ZFHX3: variants seen among roughly 807,000 people sequenced by gnomAD.
ZFHX3 encodes zinc finger homeobox protein 3.
A neutral mutation model predicts 279.1 loss-of-function variants in ZFHX3; 42 were observed. The observed-to-expected ratio is 0.15, with a 90% CI of 0.12 to 0.19. The LOEUF (loss-of-function observed/expected upper bound fraction) is 0.19. ZFHX3 is among the 10% of genes least tolerant of loss of function. The pLI is 1.00. For missense variants in ZFHX3, 4,981 were observed against 4,754.0 expected (o/e 1.05, Z -1.40); for synonymous variants, 2,293 against 1,957.8 (o/e 1.17, Z -4.52).
chr16:72,920,529 A>G (rs923504624), intron 3 of ZFHX3, among the ~76,000 whole-genome samples: 7 of 147,436 alleles, frequency 4.7e-5, no homozygotes, highest in South Asian at 2.2e-4. Flanking sequence ...AAAATACAAG[A>G]AAAAAAAAAA....
chr16:73,504,709 T>C (rs1378300655), intron 2 of ZFHX3: 2 of 152,202 alleles, frequency 1.3e-5, no homozygotes, highest in Admixed American at 1.3e-4. Context: ...TTCATTTGGC[T>C]GAGGAGTGTG....
intron 3 of ZFHX3, among the ~76,000 whole-genome samples, chr16:73,360,056 A>C (rs1364027844): frequency 2.0e-5 from 3 of 152,178 alleles, no homozygotes; most frequent in Non-Finnish European, 2.9e-5. Flanking sequence ...TGTGGGTTTG[A>C]ATCCTGAGTT....
intron 1 of ZFHX3, among the ~76,000 whole-genome samples, chr16:73,690,690 A>G (rs2053140428): frequency 6.6e-6 from 1 of 152,192 alleles, no homozygotes; most frequent in Non-Finnish European, 1.5e-5. Context: ...TAAATTGTGC[A>G]TTGTGAGTTT....
At chr16:72,800,410 A>T (rs2036060600) in intron 7 of ZFHX3, among the ~76,000 whole-genome samples, 1 of 152,198 alleles carries the variant, frequency 6.6e-6, no homozygotes, top group South Asian at 2.1e-4. Flanking sequence ...TTGATCACTG[A>T]CAATGTTTTG....
At chr16:72,908,802 G>T (rs2039249876) in intron 3 of ZFHX3, among the ~76,000 whole-genome samples, 1 of 152,202 alleles carries the variant, frequency 6.6e-6, no homozygotes, top group East Asian at 1.9e-4. Context: ...GAACGATGAT[G>T]AAGCAGCTAA....
At chr16:73,144,793 C>T (rs1367589234) in intron 5 of ZFHX3, among the ~76,000 whole-genome samples, 2 of 152,174 alleles carry the variant, frequency 1.3e-5, no homozygotes, top group Non-Finnish European at 2.9e-5. Flanking sequence ...ATGCACATCT[C>T]TTGGCTAATG....
intron 1 of ZFHX3, among the ~76,000 whole-genome samples, chr16:73,857,599 C>T (rs1166705805): frequency 2.0e-5 from 3 of 152,194 alleles, no homozygotes; most frequent in Admixed American, 6.5e-5. Context: ...ACGTGGGATA[C>T]GTGTTCCTCC....
At chr16:73,415,732 G>A (rs774123049) in intron 3 of ZFHX3, among the ~76,000 whole-genome samples, 5 of 152,154 alleles carry the variant, frequency 3.3e-5, no homozygotes, top group Non-Finnish European at 7.3e-5. Context: ...GGGCAGTTTG[G>A]TGACGCCAGT....
chr16:73,849,933 A>G (rs1466933672), intron 1 of ZFHX3, among the ~76,000 whole-genome samples: 1 of 152,082 alleles, frequency 6.6e-6, no homozygotes, highest in African/African-American at 2.4e-5. Flanking sequence ...GGGTTTCACC[A>G]TGTTGGTCAG....
At chr16:73,422,056 A>T (rs2017728679) in intron 3 of ZFHX3, among the ~76,000 whole-genome samples, 1 of 152,162 alleles carries the variant, frequency 6.6e-6, no homozygotes. Flanking sequence ...TCCGGGGCAA[A>T]CAGGCAGCAC....
intron 3 of ZFHX3, among the ~76,000 whole-genome samples, chr16:73,452,091 A>T (rs2018289625): frequency 6.6e-6 from 1 of 152,232 alleles, no homozygotes; most frequent in Non-Finnish European, 1.5e-5. Flanking sequence ...GGAGAGGCAG[A>T]AAAAGGAGAC....
intron 3 of ZFHX3, among the ~76,000 whole-genome samples, chr16:73,391,860 G>T (rs1022349270): frequency 6.6e-6 from 1 of 152,072 alleles, no homozygotes; most frequent in Non-Finnish European, 1.5e-5. Context: ...AACCGGGGAA[G>T]ACTTCAGGTA....
intron 2 of ZFHX3, among the ~76,000 whole-genome samples, chr16:73,570,654 G>T (rs924811867): frequency 6.6e-5 from 10 of 151,872 alleles, no homozygotes; most frequent in Non-Finnish European, 1.3e-4. Context: ...TATATTAAAA[G>T]AAAAAAATCT....
At chr16:73,039,036 A>T (rs1392587342) in intron 1 of ZFHX3, among the ~76,000 whole-genome samples, 1 of 151,146 alleles carries the variant, frequency 6.6e-6, no homozygotes, top group Non-Finnish European at 1.5e-5. Flanking sequence ...CTGGGCTCAA[A>T]CCTCTGGGCT....
In ZFHX3 at chr16:72,959,810, G is replaced by A. The variant is rs770458142; in HGVS notation, c.336C>T (p.Ser112=). The stretch of plus-strand genomic sequence containing the variant: ...CCCCCTCCTCACCGGTGTCGCTGGC[G>A]CTCTCCTCTCTCAGGGGTGGCGGGG... ...ARPPPPLREE[S]ASDTGEEGDE... Residue 112 remains serine (S), a synonymous_variant, in exon 2 of 10, where the codon AGC becomes AGT. Transcript: ENST00000268489. 32 of 1,595,408 alleles carry A rather than the reference G, an allele frequency of 2.0e-5. No individual in the cohort carries two copies. The East Asian group carries it at 3.8e-4, about 19-fold the overall frequency.
chr16:73,444,972 A>C (rs1343906144), intron 3 of ZFHX3, among the ~76,000 whole-genome samples: 2 of 150,820 alleles, frequency 1.3e-5, no homozygotes, highest in East Asian at 1.9e-4. Flanking sequence ...AAAAAAAAAA[A>C]AAAAAAAAAC....
chr16:73,031,652 G>T (rs1001036745), intron 1 of ZFHX3, among the ~76,000 whole-genome samples: 9 of 152,192 alleles, frequency 5.9e-5, no homozygotes, highest in Non-Finnish European at 1.2e-4. Flanking sequence ...ATGCCCCCAT[G>T]ATGGCGTGAC....
chr16:73,878,621 TTTC>T (rs1274645477), intron 1 of ZFHX3, among the ~76,000 whole-genome samples: 5 of 152,102 alleles, frequency 3.3e-5, no homozygotes, highest in African/African-American at 1.2e-4. Context: ...TTATCTACTG[TTTC>T]TTTTTTTTTC....
intron 3 of ZFHX3, among the ~76,000 whole-genome samples, chr16:73,440,911 A>C (rs941861654): frequency 7.2e-5 from 11 of 152,238 alleles, no homozygotes; most frequent in African/African-American, 2.4e-4. Flanking sequence ...TTTAGCAAAT[A>C]GATTCATCTT....
Sources: allele counts gnomAD v4.1 joint callset (sites outside exome capture counted in the v4.1 genomes callset), GRCh38; gene constraint gnomAD v4.1.1; transcripts MANE v1.5; gene names NCBI Gene and HGNC (gene_info 2026-07-23, HGNC 2026-07-21).